Variants in BRPF1 observed in about 807,000 individuals in gnomAD.
BRPF1 encodes bromodomain and PHD finger containing 1, also known as peregrin.
Under a neutral mutation model 115.0 loss-of-function variants are expected in BRPF1, and 15 were observed. The observed-to-expected ratio is 0.13, with a 90% CI of 0.09 to 0.20. BRPF1 has a LOEUF of 0.20. BRPF1 is among the 10% of genes least tolerant of loss of function. BRPF1 has a pLI of 1.00. For missense variants in BRPF1, 1,118 were observed against 1,638.3 expected, an observed-to-expected ratio of 0.68 and a Z score of 5.48; for synonymous variants, 647 against 619.8, an observed-to-expected ratio of 1.04 and a Z score of -0.65.
Position 9,734,397 on chromosome 3 carries a change from G to A in BRPF1, c.257G>A (p.Gly86Asp). The change falls in exon 2 of 14, where the codon GGC becomes GAC. Residue 86 changes from glycine (G) to aspartate (D), a missense_variant. Physicochemically the swap from Gly to Asp is moderately conservative, Grantham distance 94. This residue lies in a region of BRPF1 where 280 missense variants were observed against 382.8 expected (regional missense o/e 0.73). Transcript: ENST00000383829. The surrounding 1 kb of genome is among the most constrained non-coding windows in gnomAD (Gnocchi z 5.7). ...PSPSEVSQSPGREVMSYAQAQ... is the reference protein window; with the variant it reads ...PSPSEVSQSPDREVMSYAQAQ... ...CCCTCAGAGGTCTCACAGTCACCAGGCCGTGAGGTGATGAGCTATGCACAG... is the reference window on the plus strand; with the variant it reads ...CCCTCAGAGGTCTCACAGTCACCAGACCGTGAGGTGATGAGCTATGCACAG... 1 of 1,614,092 alleles carries A rather than the reference G, an allele frequency of 6.2e-7. No individual in the cohort carries two copies. Among genetic ancestry groups the A allele is most frequent in the East Asian group, 2.2e-5 (1 of 44,870 alleles).
chr3:9,741,370 G>T lies in BRPF1; in HGVS notation c.1785G>T (p.Arg595=), dbSNP rs780094179. ...AGCTCAAGTCCTGGCAGCGGCTCCGGCATGACTTGGAGCGAGCTCGGCTGC... is the reference window on the plus strand; with the variant it reads ...AGCTCAAGTCCTGGCAGCGGCTCCGTCATGACTTGGAGCGAGCTCGGCTGC... ...KEQLKSWQRL[R]HDLERARLLV... Residue 595 remains arginine (R), a synonymous_variant, in exon 5 of 14, where the codon CGG becomes CGT. Transcript: ENST00000383829. The T allele has an allele frequency of 1.2e-6, 2 of 1,609,228 alleles. No individual in the cohort carries two copies. Among genetic ancestry groups the T allele is most frequent in the South Asian group, 1.1e-5 (1 of 90,780 alleles).
chr3:9,738,651 T>C (rs1441779965), intron 2 of BRPF1, among the ~76,000 whole-genome samples: 2 of 152,220 alleles, frequency 1.3e-5, no homozygotes, highest in African/African-American at 4.8e-5. Context: ...ACCTTCCTCC[T>C]TTTAGAGGAG....
Position 9,746,471 on chromosome 3 carries a change from T to C in BRPF1, c.3479+17T>C. 5 of 1,549,130 alleles carry C rather than the reference T, an allele frequency of 3.2e-6. No homozygotes were observed. Among genetic ancestry groups the C allele is most frequent in the Non-Finnish European group, 4.4e-6 (5 of 1,139,664 alleles). On this transcript the variant is annotated intron_variant, in intron 13 of 13. Transcript: ENST00000383829. ...ACGAACCTGGTAAGGAGGGGAGCAT[T>C]TGGTGTGACTCACAGCCACAGATGC... is the stretch of plus-strand genomic sequence containing the variant.
chr3:9,739,574 G>A lies in BRPF1; in HGVS notation c.1175G>A (p.Arg392Gln), dbSNP rs1222044685. Residue 392 changes from arginine to glutamine, a missense_variant, in exon 3 of 14, where the codon CGG becomes CAG. By Grantham distance (43) the Arg-to-Gln change is conservative (BLOSUM62 1). This residue lies in a region of BRPF1 where 64 missense variants were observed against 172.8 expected (regional missense o/e 0.37). Transcript: ENST00000383829. The part of the protein sequence containing the change: ...WKLTCYICKQ[R>Q]GSGACIQCHK... Reference sequence around the variant, plus strand: ...CTCACCTGCTACATTTGCAAACAACGGGGCTCAGGGGCCTGCATCCAGTGC... The same window carrying A: ...CTCACCTGCTACATTTGCAAACAACAGGGCTCAGGGGCCTGCATCCAGTGC... 2 of 1,612,364 alleles carry A rather than the reference G, an allele frequency of 1.2e-6. No homozygotes were observed. Among genetic ancestry groups the A allele is most frequent in the Non-Finnish European group, 1.7e-6 (2 of 1,178,682 alleles).
intron 5 of BRPF1, 35 bp downstream of exon 5, chr3:9,741,474 G>GA (rs757608629): frequency 7.9e-6 from 12 of 1,517,114 alleles, no homozygotes; most frequent in East Asian, 2.3e-5. Flanking sequence ...TTTTATAAAA[G>GA]AAAAAACAAA....
chr3:9,742,674 T>C, intron 6 of BRPF1: 2 of 573,154 alleles, frequency 3.5e-6, no homozygotes, highest in Non-Finnish European at 4.4e-6. Context: ...CCTCATATAG[T>C]CTAGAAAGTA....
At position 9,737,526 on chromosome 3, in the gene BRPF1, C is replaced by T. The variant is rs879381058; in HGVS notation, c.600-1473C>T. On this transcript the variant is annotated intron_variant, in intron 2 of 13. Transcript: ENST00000383829. Reference sequence around the variant, plus strand: ...TCACTTGCCCTCTGTTAGACAGCACCCAGGCAGTGTGGCTCCAGAGCCTGT... The same window carrying T: ...TCACTTGCCCTCTGTTAGACAGCACTCAGGCAGTGTGGCTCCAGAGCCTGT... 2.9e-4 allele frequency among the ~76,000 whole-genome samples: 44 copies of T among 152,316 alleles called. 1 individual carries two copies. The highest frequency in any genetic ancestry group is 2.8e-3 in the Admixed American group (43 of 15,306).
At chr3:9,732,974 A>G (rs548465915) in intron 1 of BRPF1, among the ~76,000 whole-genome samples, 4 of 152,150 alleles carry the variant, frequency 2.6e-5, no homozygotes, top group African/African-American at 9.6e-5. Flanking sequence ...CTCACCCAGG[A>G]ATGTTGGGGA....
rs538724703 is a variant in BRPF1, at chr3:9,747,713, G to A, written c.*364G>A. On this transcript the variant is annotated 3_prime_UTR_variant, in exon 14 of 14. Transcript: ENST00000383829. This position sits in a 1 kb window ranked among gnomAD's most constrained non-coding sequence, Gnocchi z 5.6. ...AATCCATAACTGCCTAGAGGCCTGG[G>A]GCCCCTACCGGTCGTGAGGTGAGTG... 4 of 190,038 alleles carry A rather than the reference G, an allele frequency of 2.1e-5. No individual in the cohort carries two copies. Among genetic ancestry groups the A allele is most frequent in the Non-Finnish European group, 3.3e-5 (3 of 90,340 alleles). 11.8% of individuals were successfully genotyped at this position (190,038 alleles called of 1,614,324 possible). A position where few individuals can be genotyped will look rare whatever the true frequency, so the allele number is the denominator to read the frequency against.
rs758128014 is a variant in BRPF1, at chr3:9,743,485, G to C, written c.2312-93G>C. On this transcript the variant is annotated intron_variant, in intron 7 of 13. Coordinates refer to ENST00000383829, the MANE Select transcript of BRPF1 (RefSeq NM_001003694.2). This position sits in a 1 kb window ranked among gnomAD's most constrained non-coding sequence, Gnocchi z 6.1. ...CAGCTGTTCCTGGTGAGAAGCCCAG[G>C]GGGGATGAGTGGGTTTCTTGCTGCC... 8.5e-6 allele frequency: 12 copies of C among 1,414,096 alleles called. No homozygotes were observed. The highest frequency in any genetic ancestry group is 1.4e-5 in the African/African-American group (1 of 69,896). 87.6% of individuals were successfully genotyped at this position (1,414,096 alleles called of 1,614,324 possible).
chr3:9,747,432 C>T lies in BRPF1; in HGVS notation c.*83C>T, dbSNP rs1014579650. 1.1e-5 allele frequency: 17 copies of T among 1,511,792 alleles called. 1 individual carries two copies. In the East Asian group the frequency reaches 3.9e-4, roughly 34 times the overall value. The allele number at this position is 1,511,792 out of a possible 1,614,324, so 93.6% of individuals were successfully genotyped here. A position where few individuals can be genotyped will look rare whatever the true frequency, so the allele number is the denominator to read the frequency against. ...CACTGTCCTGGAGTGGCACCGGCCT[C>T]TGCACTGACTCATTTCTGGTCTTGG... On this transcript the variant is annotated 3_prime_UTR_variant, in exon 14 of 14. Coordinates refer to ENST00000383829, the MANE Select transcript of BRPF1 (RefSeq NM_001003694.2). The surrounding 1 kb of genome is among the most constrained non-coding windows in gnomAD (Gnocchi z 5.6).
At chr3:9,744,967 C>T in intron 9 of BRPF1, 41 bp from the exon 10 acceptor site, 1 of 1,613,848 alleles carries the variant, frequency 6.2e-7, no homozygotes, top group South Asian at 1.1e-5. Context: ...TCTACATCTT[C>T]CTGACCGGTT....
chr3:9,745,808 G>A lies in BRPF1; in HGVS notation c.3206-4G>A, dbSNP rs201889001. The A allele has an allele frequency of 4.3e-4, 701 of 1,613,414 alleles. No individual in the cohort carries two copies. Among genetic ancestry groups the A allele is most frequent in the Non-Finnish European group, 5.6e-4 (660 of 1,179,574 alleles). On this transcript the variant is annotated splice_polypyrimidine_tract_variant and splice_region_variant and intron_variant, in intron 11 of 13. Coordinates refer to ENST00000383829, the MANE Select transcript of BRPF1 (RefSeq NM_001003694.2). The surrounding 1 kb of genome is among the most constrained non-coding windows in gnomAD (Gnocchi z 5.1). ...TCCACCCCCTCTCCCCCATTCCTGT[G>A]AAGTGGTAAGGAAGAGTCTGGGCCG...
At chr3:9,736,738 T>C (rs1471263141) in intron 2 of BRPF1, among the ~76,000 whole-genome samples, 2 of 152,270 alleles carry the variant, frequency 1.3e-5, no homozygotes, top group African/African-American at 4.8e-5. Context: ...TTACCACTGT[T>C]GGTAAAACTG....
intron 2 of BRPF1, among the ~76,000 whole-genome samples, chr3:9,737,897 C>A (rs1478780954): frequency 6.6e-6 from 1 of 152,076 alleles, no homozygotes; most frequent in Non-Finnish European, 1.5e-5. Flanking sequence ...TTCCATATAA[C>A]CCTGACAGTT....
chr3:9,734,713 C>G lies in BRPF1; in HGVS notation c.573C>G (p.Ala191=), dbSNP rs1389117299. ...AGCTGGAACAGGACACCCCTGATGC[C>G]CCACCCCGGCCAACTTCCTATTACC... The part of the protein sequence containing the change: ...YRELEQDTPD[A]PPRPTSYYRY... Residue 191 remains alanine (A), a synonymous_variant, in exon 2 of 14, where the codon GCC becomes GCG. Coordinates refer to ENST00000383829, the MANE Select transcript of BRPF1 (RefSeq NM_001003694.2). This position sits in a 1 kb window ranked among gnomAD's most constrained non-coding sequence, Gnocchi z 5.7. 6.2e-7 allele frequency: 1 copy of G among 1,614,006 alleles called. No homozygotes were observed. The highest frequency in any genetic ancestry group is 8.5e-7 in the Non-Finnish European group (1 of 1,179,962).
In BRPF1 at chr3:9,741,293, G is replaced by C. The variant is rs143618434; in HGVS notation, c.1723-15G>C. The stretch of plus-strand genomic sequence containing the variant: ...GCTTTCTAATCATCCTCTGATCTTC[G>C]TTTTGCCTCTACAGAGAGATTCTGA... On this transcript the variant is annotated splice_polypyrimidine_tract_variant and intron_variant, in intron 4 of 13. Coordinates refer to ENST00000383829, the MANE Select transcript of BRPF1 (RefSeq NM_001003694.2). The C allele has an allele frequency of 6.5e-7, 1 of 1,549,380 alleles. No individual in the cohort carries two copies. Among genetic ancestry groups the C allele is most frequent in the South Asian group, 1.2e-5 (1 of 83,476 alleles).
Position 9,734,264 on chromosome 3 carries a change from C to T in BRPF1, c.124C>T (p.Leu42=), listed in dbSNP as rs1483909638. 1 of 1,614,100 alleles carries T rather than the reference C, an allele frequency of 6.2e-7. No individual in the cohort carries two copies. Among genetic ancestry groups the T allele is most frequent in the Non-Finnish European group, 8.5e-7 (1 of 1,180,010 alleles). Residue 42 remains leucine, a synonymous_variant, in exon 2 of 14, where the codon CTG becomes TTG. Coordinates refer to ENST00000383829, the MANE Select transcript of BRPF1 (RefSeq NM_001003694.2). The surrounding 1 kb of genome is among the most constrained non-coding windows in gnomAD (Gnocchi z 5.7). ...GAGTTACAGTGGTATTGAGTACCAC[C>T]TGTACCACTATGACCACGACAACCC... ...YKSYSGIEYH[L]YHYDHDNPPP... is the part of the protein sequence containing the mutation.
At position 9,740,891 on chromosome 3, in the gene BRPF1, C is replaced by A; in HGVS notation, c.1672C>A (p.Arg558Ser). Residue 558 changes from arginine (R) to serine (S), a missense_variant, in exon 4 of 14, where the codon CGT becomes AGT. Physicochemically the swap from Arg to Ser is moderately radical, Grantham distance 110. Coordinates refer to ENST00000383829, the MANE Select transcript of BRPF1 (RefSeq NM_001003694.2). The stretch of plus-strand genomic sequence containing the variant: ...GTCACGGAATGGGGTCCCATTGCTA[C>A]GTCGCCTGCAGACACACCTGCAATC... ...RQSRNGVPLL[R>S]RLQTHLQSQR... The A allele has an allele frequency of 6.2e-7, 1 of 1,613,874 alleles. No individual in the cohort carries two copies. Among genetic ancestry groups the A allele is most frequent in the Non-Finnish European group, 8.5e-7 (1 of 1,180,040 alleles).
Sources: gnomAD v4.1 joint callset for allele counts (sites outside exome capture counted in the v4.1 genomes callset) on GRCh38, gnomAD v4.1.1 for gene constraint, gnomAD v4.1.1 regional missense constraint, Gnocchi (gnomAD v3.1) non-coding constraint, MANE v1.5 for transcripts, NCBI Gene and HGNC (gene_info 2026-07-23, HGNC 2026-07-21) for gene names.